Variants in C11orf42 observed in about 807,000 individuals in gnomAD.
The protein encoded by C11orf42 is chromosome 11 open reading frame 42.
Under a neutral mutation model 27.9 loss-of-function variants are expected in C11orf42, and 24 were observed. The ratio of observed to expected loss-of-function variants is 0.86; its 90% confidence interval spans 0.62 to 1.21. C11orf42 has a LOEUF of 1.21. C11orf42 is among the 50% of genes most tolerant of loss of function. The pLI, the probability that C11orf42 is intolerant of heterozygous loss-of-function variation, is 0.00. For synonymous variants in C11orf42, 187 were observed against 180.8 expected (o/e 1.03, Z -0.28); for missense variants, 455 against 424.1 (o/e 1.07, Z -0.64).
Position 6,210,015 on chromosome 11 carries a change from C to T in C11orf42, c.238C>T (p.Leu80=), listed in dbSNP as rs368829888. 144 of 1,614,116 alleles carry T rather than the reference C, an allele frequency of 8.9e-5. 1 individual carries two copies. The highest frequency in any genetic ancestry group is 5.2e-4 in the Admixed American group (31 of 60,010). ...GRRALKPVGP[L]PSLLEQAGSE... ...GAGGGCACTGAAACCAGTGGGGCCA[C>T]TACCAAGCCTCCTGGAGCAGGCAGG... The change falls in exon 2 of 3, where the codon CTA becomes TTA. Residue 80 remains leucine, a synonymous_variant. Coordinates refer to ENST00000316375, the MANE Select transcript of C11orf42 (RefSeq NM_173525.3). The surrounding 1 kb of genome is among the most constrained non-coding windows in gnomAD (Gnocchi z 4.0).
chr11:6,209,801 A>C, intron 1 of C11orf42, 49 bp from the exon 2 acceptor site: 1 of 1,510,916 alleles, frequency 6.6e-7, no homozygotes, highest in East Asian at 2.3e-5. Flanking sequence ...GTAGGCAACC[A>C]GTTAACTTCT....
chr11:6,207,633 A>C (rs930563118), intron 1 of C11orf42, among the ~76,000 whole-genome samples: 8 of 152,166 alleles, frequency 5.3e-5, no homozygotes, highest in Admixed American at 2.6e-4. Context: ...CCCACCCAAA[A>C]GGAAGTGTTT....
At chr11:6,209,767 C>T in intron 1 of C11orf42, 83 bp from the exon 2 acceptor site, 8 of 1,357,494 alleles carry the variant, frequency 5.9e-6, no homozygotes, top group East Asian at 2.3e-5. Flanking sequence ...TGTAACTGAA[C>T]GTGAACCTGG....
chr11:6,209,173 CAAAAAAAA>C (rs59276219), intron 1 of C11orf42, among the ~76,000 whole-genome samples: 3 of 124,182 alleles, frequency 2.4e-5, no homozygotes, highest in Non-Finnish European at 4.9e-5. Flanking sequence ...AGAACCGACT[CAAAAAAAA>C]AAAAAAAAAA....
At chr11:6,205,815 T>C in intron 1 of C11orf42, 128 bp downstream of exon 1, 1 of 702,146 alleles carries the variant, frequency 1.4e-6, no homozygotes, top group Non-Finnish European at 2.4e-6. Context: ...ACTGCTTCCA[T>C]ATGTGCCAGG....
At chr11:6,209,784 A>G (rs1564853717) in intron 1 of C11orf42, 66 bp from the exon 2 acceptor site, 6 of 1,483,772 alleles carry the variant, frequency 4.0e-6, no homozygotes, top group South Asian at 1.3e-5. Context: ...CTGGGGGTCA[A>G]TTTAAAGTAG....
intron 1 of C11orf42, among the ~76,000 whole-genome samples, chr11:6,209,531 T>C (rs1564853623): frequency 6.6e-6 from 1 of 152,222 alleles, no homozygotes; most frequent in Non-Finnish European, 1.5e-5. Flanking sequence ...GACTGTTCAA[T>C]CACTTCCTGT....
In C11orf42 at chr11:6,210,369, C is replaced by T; in HGVS notation, c.592C>T (p.Leu198Phe). 2 of 1,614,206 alleles carry T rather than the reference C, an allele frequency of 1.2e-6. No homozygotes were observed. The highest frequency in any genetic ancestry group is 1.7e-6 in the Non-Finnish European group (2 of 1,180,038). The change falls in exon 2 of 3, where the codon CTC (leucine) becomes TTC (phenylalanine). Residue 198 changes from leucine to phenylalanine, a missense_variant. Physicochemically the swap from Leu to Phe is conservative, Grantham distance 22 (BLOSUM62 0). Transcript: ENST00000316375. This position sits in a 1 kb window ranked among gnomAD's most constrained non-coding sequence, Gnocchi z 4.0. ...GTCATTACCTGTTGCCTTCTCCTGC[C>T]TCAAGTTTTCACTGCAGTCTAAGGG... ...LRSLPVAFSC[L>F]KFSLQSKGVL...
At position 6,210,191 on chromosome 11, in the gene C11orf42, G is replaced by A; in HGVS notation, c.414G>A (p.Leu138=). 1 of 1,614,208 alleles carries A rather than the reference G, an allele frequency of 6.2e-7. No individual in the cohort carries two copies. The highest frequency in any genetic ancestry group is 2.2e-5 in the East Asian group (1 of 44,882). Residue 138 remains leucine, a synonymous_variant, in exon 2 of 3, where the codon TTG becomes TTA. Coordinates refer to ENST00000316375, the MANE Select transcript of C11orf42 (RefSeq NM_173525.3). The surrounding 1 kb of genome is among the most constrained non-coding windows in gnomAD (Gnocchi z 4.0). ...TGCGCAAGAAGGTTGCCTTCCTGTT[G>A]CTGCCACCAGGGCAGGTGAGCCTAC... The part of the protein sequence containing the change: ...GDLRKKVAFL[L]LPPGQVSLQQ...
In C11orf42 at chr11:6,210,262, T is replaced by G; in HGVS notation, c.485T>G (p.Ile162Ser). ...WLRSTHSIYV[I>S]YQVFSCSWLQ... ...CGAAGCACCCACAGCATCTATGTCA[T>G]CTACCAGGTCTTCTCTTGTTCCTGG... The change falls in exon 2 of 3, where the codon ATC (isoleucine) becomes AGC (serine). Residue 162 changes from isoleucine (I) to serine (S), a missense_variant. Coordinates refer to ENST00000316375, the MANE Select transcript of C11orf42 (RefSeq NM_173525.3). This position sits in a 1 kb window ranked among gnomAD's most constrained non-coding sequence, Gnocchi z 4.0. 3.7e-6 allele frequency: 6 copies of G among 1,614,236 alleles called. No homozygotes were observed. Among genetic ancestry groups the G allele is most frequent in the Non-Finnish European group, 5.1e-6 (6 of 1,180,040 alleles).
rs1590596652 is a variant in C11orf42 at position 6,210,502 on chromosome 11, C to T, written c.725C>T (p.Pro242Leu). The change falls in exon 2 of 3, where the codon CCT (proline) becomes CTT (leucine). Residue 242 changes from proline to leucine, a missense_variant. Pro to Leu is a moderately conservative substitution (Grantham distance 98, BLOSUM62 -3). Coordinates refer to ENST00000316375, the MANE Select transcript of C11orf42 (RefSeq NM_173525.3). The surrounding 1 kb of genome is among the most constrained non-coding windows in gnomAD (Gnocchi z 4.0). ...IMPPLAPTSA[P>L]ADTTEAADVP... is the part of the protein sequence containing the mutation. ...CCGCCTCTGGCCCCCACATCAGCAC[C>T]TGCTGATACAACTGAAGCTGCTGAT... The T allele has an allele frequency of 1.9e-6, 3 of 1,613,794 alleles. No individual in the cohort carries two copies. The highest frequency in any genetic ancestry group is 2.2e-5 in the East Asian group (1 of 44,866).
chr11:6,210,280 G>C lies in C11orf42; in HGVS notation c.503G>C (p.Cys168Ser), dbSNP rs141013707. 16 of 1,614,086 alleles carry C rather than the reference G, an allele frequency of 9.9e-6. No homozygotes were observed. The highest frequency in any genetic ancestry group is 4.0e-5 in the African/African-American group (3 of 74,912). Residue 168 changes from cysteine to serine, a missense_variant, in exon 2 of 3, where the codon TGT becomes TCT. Physicochemically the swap from Cys to Ser is moderately radical, Grantham distance 112. Coordinates refer to ENST00000316375, the MANE Select transcript of C11orf42 (RefSeq NM_173525.3). The surrounding 1 kb of genome is among the most constrained non-coding windows in gnomAD (Gnocchi z 4.0). Reference protein sequence around the residue: ...SIYVIYQVFSCSWLQLGLTST... With the variant: ...SIYVIYQVFSSSWLQLGLTST... ...TATGTCATCTACCAGGTCTTCTCTTGTTCCTGGCTGCAGCTGGGGCTGACG... is the reference window on the plus strand; with the variant it reads ...TATGTCATCTACCAGGTCTTCTCTTCTTCCTGGCTGCAGCTGGGGCTGACG...
At chr11:6,205,879 A>G (rs1846974035) in intron 1 of C11orf42, among the ~76,000 whole-genome samples, 192 bp downstream of exon 1, 1 of 152,016 alleles carries the variant, frequency 6.6e-6, no homozygotes, top group Non-Finnish European at 1.5e-5. Flanking sequence ...AACTACAAAA[A>G]CAGTAAAAAA....
chr11:6,205,666 C>G lies in C11orf42; in HGVS notation c.51C>G (p.Thr17=). ...TGACACTGGATGAAGCTGATGCCAC[C>G]TGGACCCTCATCAAGGATAAGGTAG... The part of the protein sequence containing the change: ...NLLTLDEADA[T]WTLIKDKVIE... The change falls in exon 1 of 3, where the codon ACC becomes ACG. Residue 17 remains threonine (T), a synonymous_variant. Coordinates refer to ENST00000316375, the MANE Select transcript of C11orf42 (RefSeq NM_173525.3). 1.2e-6 allele frequency: 2 copies of G among 1,613,842 alleles called. No homozygotes were observed. The highest frequency in any genetic ancestry group is 1.7e-6 in the Non-Finnish European group (2 of 1,179,836).
rs1164984395 is a variant in C11orf42, at chr11:6,210,461, C to T, written c.684C>T (p.Pro228=). Residue 228 remains proline (P), a synonymous_variant, in exon 2 of 3, where the codon CCC becomes CCT. Transcript: ENST00000316375. This position sits in a 1 kb window ranked among gnomAD's most constrained non-coding sequence, Gnocchi z 4.0. ...PLPHGANWVR[P]NLSIMPPLAP... ...CCCATGGGGCCAACTGGGTCAGACC[C>T]AACCTCAGCATCATGCCGCCTCTGG... The T allele has an allele frequency of 6.2e-7, 1 of 1,614,106 alleles. No individual in the cohort carries two copies. The highest frequency in any genetic ancestry group is 2.2e-5 in the East Asian group (1 of 44,870).
At chr11:6,206,464 G>T (rs901283087) in intron 1 of C11orf42, among the ~76,000 whole-genome samples, 1 of 152,074 alleles carries the variant, frequency 6.6e-6, no homozygotes, top group Non-Finnish European at 1.5e-5. Context: ...CTGCAGACTG[G>T]AAATTTCAGA....
Position 6,210,375 on chromosome 11 carries a change from T to A in C11orf42, c.598T>A (p.Phe200Ile). 1 of 1,614,134 alleles carries A rather than the reference T, an allele frequency of 6.2e-7. No individual in the cohort carries two copies. The highest frequency in any genetic ancestry group is 8.5e-7 in the Non-Finnish European group (1 of 1,180,014). Residue 200 changes from phenylalanine (F) to isoleucine (I), a missense_variant, in exon 2 of 3, where the codon TTT becomes ATT. Transcript: ENST00000316375. This position sits in a 1 kb window ranked among gnomAD's most constrained non-coding sequence, Gnocchi z 4.0. ...SLPVAFSCLK[F>I]SLQSKGVLGP... The stretch of plus-strand genomic sequence containing the variant: ...ACCTGTTGCCTTCTCCTGCCTCAAG[T>A]TTTCACTGCAGTCTAAGGGCGTGCT...
In C11orf42 at chr11:6,210,764, G is replaced by C; in HGVS notation, c.871+116G>C. 2.9e-6 allele frequency: 4 copies of C among 1,398,158 alleles called. No individual in the cohort carries two copies. Among genetic ancestry groups the C allele is most frequent in the Non-Finnish European group, 2.9e-6 (3 of 1,033,954 alleles). 86.6% of individuals were successfully genotyped at this position (1,398,158 alleles called of 1,614,324 possible). ...TACTCAGCACAGGGCTCTGGTGAAA[G>C]AGATGGAATGAGGGAGACTGGGGAG... On this transcript the variant is annotated intron_variant, in intron 2 of 2. Coordinates refer to ENST00000316375, the MANE Select transcript of C11orf42 (RefSeq NM_173525.3). This position sits in a 1 kb window ranked among gnomAD's most constrained non-coding sequence, Gnocchi z 4.0.
Position 6,210,256 on chromosome 11 carries a change from A to G in C11orf42, c.479A>G (p.Tyr160Cys), listed in dbSNP as rs1590596145. 6.2e-6 allele frequency: 10 copies of G among 1,614,190 alleles called. No individual in the cohort carries two copies. In the East Asian group the frequency reaches 2.2e-4, roughly 36 times the overall value. The change falls in exon 2 of 3, where the codon TAT becomes TGT. Residue 160 changes from tyrosine to cysteine, a missense_variant. Tyr to Cys is a radical substitution (Grantham distance 194, BLOSUM62 -2). Transcript: ENST00000316375. The surrounding 1 kb of genome is among the most constrained non-coding windows in gnomAD (Gnocchi z 4.0). ...LPWLRSTHSI[Y>C]VIYQVFSCSW... Reference sequence around the variant, plus strand: ...TGGCTCCGAAGCACCCACAGCATCTATGTCATCTACCAGGTCTTCTCTTGT... The same window carrying G: ...TGGCTCCGAAGCACCCACAGCATCTGTGTCATCTACCAGGTCTTCTCTTGT...
Sources: allele counts gnomAD v4.1 joint callset (sites outside exome capture counted in the v4.1 genomes callset), GRCh38; gene constraint gnomAD v4.1.1; non-coding constraint Gnocchi (gnomAD v3.1); transcripts MANE v1.5; gene names NCBI Gene and HGNC (gene_info 2026-07-23, HGNC 2026-07-21).